The following FLYWCH1 variants were observed in gnomAD, a reference collection of about 807,000 sequenced individuals.
FLYWCH1 encodes the protein FLYWCH-type zinc finger 1, also known as FLYWCH-type zinc finger-containing protein 1.
Under a neutral mutation model 66.4 loss-of-function variants are expected in FLYWCH1, and 75 were observed. The observed-to-expected ratio is 1.13, with a 90% CI of 0.94 to 1.37. The LOEUF is 1.37. Among genes scored for constraint, FLYWCH1 ranks in the 40% most tolerant of loss-of-function variants. The pLI is 0.00. For synonymous variants in FLYWCH1, 595 were observed against 429.9 expected, an observed-to-expected ratio of 1.38 and a Z score of -4.75; for missense variants, 1,334 against 1,001.8, an observed-to-expected ratio of 1.33 and a Z score of -4.48.
At chr16:2,921,522 C>T (rs982730093) in intron 2 of FLYWCH1, among the ~76,000 whole-genome samples, 1 of 151,772 alleles carries the variant, frequency 6.6e-6, no homozygotes, top group Non-Finnish European at 1.5e-5. Flanking sequence ...ATAGCAAGAC[C>T]CTGTCATTAC....
Position 2,937,024 on chromosome 16 carries a change from G to A in FLYWCH1, c.1514-97G>A, listed in dbSNP as rs771527453. 1,180 of 1,358,668 alleles carry A rather than the reference G, an allele frequency of 8.7e-4. 2 individuals carry two copies. The highest frequency in any genetic ancestry group is 1.1e-3 in the Non-Finnish European group (1,090 of 1,011,358). 84.2% of individuals were successfully genotyped at this position (1,358,668 alleles called of 1,614,324 possible). A position where few individuals can be genotyped will look rare whatever the true frequency, so the allele number is the denominator to read the frequency against. On this transcript the variant is annotated intron_variant, in intron 6 of 9. Transcript: ENST00000253928. ...TCCGGGGCCACCTCACTGTGAGGAGGAGGTGTGGGCGTTGTGGGAGGTCTC... is the reference window on the plus strand; with the variant it reads ...TCCGGGGCCACCTCACTGTGAGGAGAAGGTGTGGGCGTTGTGGGAGGTCTC...
At chr16:2,920,840 CTTT>C (rs71158122) in intron 2 of FLYWCH1, among the ~76,000 whole-genome samples, 8 of 70,418 alleles carry the variant, frequency 1.1e-4, no homozygotes, top group East Asian at 4.7e-4. Context: ...AACGCCTGGC[CTTT>C]TTTTTTTTTT....
rs536393602 is a variant in FLYWCH1 at position 2,950,089 on chromosome 16, G to T, written c.*1362G>T. 1.3e-5 allele frequency: 2 copies of T among 152,312 alleles called. No homozygotes were observed. Among genetic ancestry groups the T allele is most frequent in the African/African-American group, 4.8e-5 (2 of 41,546 alleles). The allele number at this position is 152,312 out of a possible 1,614,324, so 9.4% of individuals were successfully genotyped here. ...CATTTGCGTCGTGTTGCTGGAAGAG[G>T]CAGGATGCTCTGTTCTCGCCATTAG... On this transcript the variant is annotated 3_prime_UTR_variant, in exon 10 of 10. Coordinates refer to ENST00000253928, the MANE Select transcript of FLYWCH1 (RefSeq NM_001308068.2).
chr16:2,938,569 CAAATTATTCATATAAACAGAATGTG>C lies in FLYWCH1; in HGVS notation c.2050+117_2050+141del, dbSNP rs1567347301. The stretch of plus-strand genomic sequence containing the variant: ...TGAGCAGACTGCTTTTGTGCACACA[CAAATTATTCATATAAACAGAATGTG>C]AAACCAGTCTTTGTTTTTTTTTTTT... On this transcript the variant is annotated intron_variant, in intron 8 of 9. Transcript: ENST00000253928. The C allele has an allele frequency of 1.3e-5, 9 of 674,336 alleles. No homozygotes were observed. The Admixed American group carries it at 3.2e-4, about 24-fold the overall frequency. 41.8% of individuals were successfully genotyped at this position (674,336 alleles called of 1,614,324 possible).
Position 2,930,683 on chromosome 16 carries a change from G to T in FLYWCH1, c.599G>T (p.Gly200Val). Residue 200 changes from glycine (G) to valine (V), a missense_variant, in exon 4 of 10, where the codon GGA (glycine) becomes GTA (valine). Transcript: ENST00000253928. ...AGCCTGGCCCTGCCAGAGGGCTTGG[G>T]AGAGCCCCAGGGTCCTGAGGGCCCT... is the stretch of plus-strand genomic sequence containing the variant. ...LPSLALPEGL[G>V]EPQGPEGPGG... 2 of 1,544,586 alleles carry T rather than the reference G, an allele frequency of 1.3e-6. No homozygotes were observed. Among genetic ancestry groups the T allele is most frequent in the Non-Finnish European group, 8.7e-7 (1 of 1,147,334 alleles).
chr16:2,948,981 T>A lies in FLYWCH1; in HGVS notation c.*254T>A. On this transcript the variant is annotated 3_prime_UTR_variant, in exon 10 of 10. Coordinates refer to ENST00000253928, the MANE Select transcript of FLYWCH1 (RefSeq NM_001308068.2). ...GTGGGGCAGGGCGGTGGCGCCTTCC[T>A]GACCTTTGGAAGACATGACAAAGCT... 1.9e-6 allele frequency: 1 copy of A among 515,800 alleles called. No homozygotes were observed. The highest frequency in any genetic ancestry group is 3.5e-6 in the Non-Finnish European group (1 of 282,630). The allele number at this position is 515,800 out of a possible 1,614,324, so 32.0% of individuals were successfully genotyped here.
intron 7 of FLYWCH1, 27 bp from the exon 8 acceptor site, chr16:2,938,157 C>T: frequency 6.2e-7 from 1 of 1,605,232 alleles, no homozygotes. Flanking sequence ...CCTGTGGCCC[C>T]ACTCACAGTG....
intron 9 of FLYWCH1, 48 bp downstream of exon 9, chr16:2,940,140 G>C (rs377446909): frequency 3.4e-6 from 3 of 889,198 alleles, no homozygotes; most frequent in Non-Finnish European, 5.6e-6. Context: ...ACAACAAAAC[G>C]TAGTGGGCTT....
chr16:2,932,797 C>T (rs147114761), intron 4 of FLYWCH1, among the ~76,000 whole-genome samples: 4 of 151,884 alleles, frequency 2.6e-5, no homozygotes, highest in Non-Finnish European at 5.9e-5. Context: ...CCGGTGTAAC[C>T]TTGATGCAAC....
chr16:2,936,733 C>T (rs777569666), intron 6 of FLYWCH1: 32 of 478,426 alleles, frequency 6.7e-5, no homozygotes, highest in African/African-American at 1.2e-4. Context: ...CAGCCCCATC[C>T]GGCTCCTGAG....
chr16:2,947,113 TAC>T (rs139859552), intron 9 of FLYWCH1, among the ~76,000 whole-genome samples: 43 of 152,272 alleles, frequency 2.8e-4, no homozygotes, highest in South Asian at 8.3e-4. Context: ...ATGAATGAAA[TAC>T]AGTCTATTTA....
At chr16:2,945,448 C>T (rs2071437342) in intron 9 of FLYWCH1, among the ~76,000 whole-genome samples, 3 of 140,722 alleles carry the variant, frequency 2.1e-5, no homozygotes, top group African/African-American at 8.2e-5. Flanking sequence ...ATTCATGCCA[C>T]TGCATTCCAG....
At chr16:2,929,328 A>G (rs1169252003) in intron 2 of FLYWCH1, among the ~76,000 whole-genome samples, 1 of 152,214 alleles carries the variant, frequency 6.6e-6, no homozygotes, top group East Asian at 1.9e-4. Context: ...CGTGCTCAGC[A>G]TGTGGCTGAG....
At position 2,929,616 on chromosome 16, in the gene FLYWCH1, G is replaced by C; in HGVS notation, c.-70G>C. On this transcript the variant is annotated 5_prime_UTR_variant, in exon 3 of 10. Coordinates refer to ENST00000253928, the MANE Select transcript of FLYWCH1 (RefSeq NM_001308068.2). ...GGGATTTTGCTTCCTTCCTTAGGACGGAACCACTGCACTCCAGGTTCCTTG... is the reference window on the plus strand; with the variant it reads ...GGGATTTTGCTTCCTTCCTTAGGACCGAACCACTGCACTCCAGGTTCCTTG... 6.6e-7 allele frequency: 1 copy of C among 1,516,640 alleles called. No individual in the cohort carries two copies. Among genetic ancestry groups the C allele is most frequent in the Non-Finnish European group, 8.8e-7 (1 of 1,130,422 alleles). The allele number at this position is 1,516,640 out of a possible 1,614,324, so 93.9% of individuals were successfully genotyped here.
intron 6 of FLYWCH1, chr16:2,934,804 A>G (rs1440440606): frequency 2.9e-6 from 1 of 348,624 alleles, no homozygotes; most frequent in Non-Finnish European, 5.7e-6. Context: ...CCCACAAGTA[A>G]CTAAGCAATT....
chr16:2,932,379 A>C (rs920762059), intron 4 of FLYWCH1, among the ~76,000 whole-genome samples: 9 of 151,974 alleles, frequency 5.9e-5, no homozygotes, highest in East Asian at 3.9e-4. Context: ...AGCCTCAGAA[A>C]ATTGGCTTAA....
chr16:2,932,356 A>T (rs970272449), intron 4 of FLYWCH1, among the ~76,000 whole-genome samples: 1 of 149,358 alleles, frequency 6.7e-6, no homozygotes, highest in Non-Finnish European at 1.5e-5. Context: ...GCCCTCCCTG[A>T]TGGTAGCTCT....
intron 6 of FLYWCH1, chr16:2,936,159 C>A (rs572561651): frequency 1.3e-5 from 4 of 309,668 alleles, no homozygotes; most frequent in South Asian, 1.0e-4. Context: ...GATCCGCCTG[C>A]CTCGGCCTCC....
Position 2,937,256 on chromosome 16 carries a change from G to A in FLYWCH1, c.1649G>A (p.Ser550Asn), listed in dbSNP as rs1403975562. ...GACCAGGCCCGCATGGGCTGCCGCA[G>A]CCGCGCCATCACCCAGGGCCGGCGG... is the stretch of plus-strand genomic sequence containing the variant. ...CRDQARMGCRSRAITQGRRVM... is the reference protein window; with the variant it reads ...CRDQARMGCRNRAITQGRRVM... The change falls in exon 7 of 10, where the codon AGC becomes AAC. Residue 550 changes from serine (S) to asparagine (N), a missense_variant. Physicochemically the swap from Ser to Asn is conservative, Grantham distance 46. Coordinates refer to ENST00000253928, the MANE Select transcript of FLYWCH1 (RefSeq NM_001308068.2). 6.2e-7 allele frequency: 1 copy of A among 1,606,578 alleles called. No individual in the cohort carries two copies. The highest frequency in any genetic ancestry group is 8.5e-7 in the Non-Finnish European group (1 of 1,177,802).
Sources: allele counts gnomAD v4.1 joint callset (sites outside exome capture counted in the v4.1 genomes callset), GRCh38; gene constraint gnomAD v4.1.1; transcripts MANE v1.5; gene names NCBI Gene and HGNC (gene_info 2026-07-23, HGNC 2026-07-21).